The following TAF1B variants were observed in gnomAD, a reference collection of about 807,000 sequenced individuals.
The protein encoded by TAF1B is TATA box-binding protein-associated factor RNA polymerase I subunit B.
A neutral mutation model predicts 83.9 loss-of-function variants in TAF1B; 61 were observed. The ratio of observed to expected loss-of-function variants is 0.73; its 90% CI spans 0.59 to 0.90. TAF1B has a LOEUF of 0.90. Among genes scored for constraint, TAF1B ranks in the 40% least tolerant of loss-of-function variants. The probability of loss-of-function intolerance (pLI) is 0.00; values close to 1 mark genes in which losing one functional copy is unlikely to be tolerated. For missense variants in TAF1B, 625 were observed against 677.0 expected, an observed-to-expected ratio of 0.92 and a Z score of 0.85; for synonymous variants, 221 against 224.6, an observed-to-expected ratio of 0.98 and a Z score of 0.14.
At chr2:9,865,498 G>A (rs1231494169) in intron 5 of TAF1B, among the ~76,000 whole-genome samples, 3 of 152,094 alleles carry the variant, frequency 2.0e-5, no homozygotes, top group African/African-American at 7.2e-5. Flanking sequence ...TCAATATCGT[G>A]AAAATGGCCA....
chr2:9,913,277 A>C, intron 12 of TAF1B, 28 bp downstream of exon 12: 1 of 1,554,026 alleles, frequency 6.4e-7, no homozygotes, highest in Non-Finnish European at 8.9e-7. Context: ...GTTTAGATGC[A>C]CCTGCCTTAC....
chr2:9,926,720 T>A (rs1419829603), intron 14 of TAF1B, among the ~76,000 whole-genome samples: 2 of 148,188 alleles, frequency 1.3e-5, no homozygotes, highest in African/African-American at 2.5e-5. Context: ...ATGCCTGTAG[T>A]CCCAGCTACT....
Position 9,888,790 on chromosome 2 carries a change from GTTTTTTTTTTTTTTTTTT to G in TAF1B, c.807+5998_807+6015del, listed in dbSNP as rs56125595. ...GTTTTCTTTATGTTTCTTCTGCTTG[GTTTTTTTTTTTTTTTTTT>G]TTTTTTTTTTTTAAGACAAATTTTT... On this transcript the variant is annotated intron_variant, in intron 8 of 14. Coordinates refer to ENST00000263663, the MANE Select transcript of TAF1B (RefSeq NM_005680.3). Among the ~76,000 whole-genome samples the G allele has an allele frequency of 7.7e-4, 63 of 81,668 alleles. 1 individual carries two copies. The highest frequency in any genetic ancestry group is 4.4e-3 in the African/African-American group (57 of 12,930). The allele number at this position is 81,668 out of a possible 152,430, so 53.6% of individuals were successfully genotyped here. A position where few individuals can be genotyped will look rare whatever the true frequency, so the allele number is the denominator to read the frequency against.
intron 1 of TAF1B, among the ~76,000 whole-genome samples, 187 bp from the exon 2 acceptor site, chr2:9,845,033 T>C (rs1177809089): frequency 6.6e-6 from 1 of 152,224 alleles, no homozygotes; most frequent in Admixed American, 6.5e-5. Context: ...TTTTCTCCAG[T>C]AGTTTAATTC....
chr2:9,870,789 A>G (rs1057490000), intron 6 of TAF1B, among the ~76,000 whole-genome samples: 1 of 152,124 alleles, frequency 6.6e-6, no homozygotes, highest in African/African-American at 2.4e-5. Context: ...TTATAAATGT[A>G]TACACATTAT....
intron 10 of TAF1B, 41 bp from the exon 11 acceptor site, chr2:9,911,470 A>G (rs755353211): frequency 2.8e-6 from 4 of 1,416,146 alleles, no homozygotes; most frequent in East Asian, 4.9e-5. Context: ...TTCCAAATAC[A>G]TGACTTCTAA....
At chr2:9,905,585 T>TC (rs1665315547) in intron 9 of TAF1B, among the ~76,000 whole-genome samples, 1 of 152,160 alleles carries the variant, frequency 6.6e-6, no homozygotes, top group African/African-American at 2.4e-5. Flanking sequence ...ACAGGTAACC[T>TC]CAGTGGAATC....
intron 5 of TAF1B, among the ~76,000 whole-genome samples, 172 bp downstream of exon 5, chr2:9,854,593 G>C (rs1329870735): frequency 6.6e-6 from 1 of 152,126 alleles, no homozygotes; most frequent in African/African-American, 2.4e-5. Flanking sequence ...TTAAACGTTG[G>C]AATAAAGTTT....
intron 7 of TAF1B, among the ~76,000 whole-genome samples, chr2:9,880,353 C>G (rs1664460961): frequency 6.8e-6 from 1 of 147,870 alleles, no homozygotes; most frequent in African/African-American, 2.5e-5. Context: ...TGTCAACTTC[C>G]TGGATTGATC....
intron 2 of TAF1B, among the ~76,000 whole-genome samples, chr2:9,848,385 G>A (rs557059826): frequency 6.6e-6 from 1 of 152,174 alleles, no homozygotes; most frequent in East Asian, 1.9e-4. Flanking sequence ...CAATAATGGG[G>A]GCTGGGCACG....
chr2:9,892,767 T>TTTATCCAGCAGTA (rs1220652011), intron 8 of TAF1B, among the ~76,000 whole-genome samples: 3 of 150,990 alleles, frequency 2.0e-5, no homozygotes, highest in Non-Finnish European at 4.4e-5. Context: ...TGATTTTTTT[T>TTTATCCAGCAGTA]GGATATTATC....
intron 11 of TAF1B, among the ~76,000 whole-genome samples, chr2:9,911,967 T>C (rs1665547061): frequency 6.6e-6 from 1 of 152,244 alleles, no homozygotes; most frequent in Non-Finnish European, 1.5e-5. Context: ...TTCTTGAAGA[T>C]GCAGCATAAA....
In TAF1B at chr2:9,919,562, C is replaced by T. The variant is rs766579907; in HGVS notation, c.1343-36C>T. Reference sequence around the variant, plus strand: ...AGGCTTTATTTGTGATTTAACATTACTTGTTATTTTGTTTCCTTTTTTTCT... The same window carrying T: ...AGGCTTTATTTGTGATTTAACATTATTTGTTATTTTGTTTCCTTTTTTTCT... On this transcript the variant is annotated intron_variant, in intron 13 of 14. Transcript: ENST00000263663. 6 of 1,544,486 alleles carry T rather than the reference C, an allele frequency of 3.9e-6. No individual in the cohort carries two copies. In the South Asian group the frequency reaches 4.5e-5, roughly 11 times the overall value.
chr2:9,881,367 C>CT (rs1664502751), intron 7 of TAF1B, among the ~76,000 whole-genome samples: 6 of 152,062 alleles, frequency 3.9e-5, no homozygotes, highest in Admixed American at 2.6e-4. Flanking sequence ...CAGTTTTGTC[C>CT]TTTAAGTGTT....
At chr2:9,912,663 A>T (rs986958520) in intron 11 of TAF1B, among the ~76,000 whole-genome samples, 2 of 152,202 alleles carry the variant, frequency 1.3e-5, no homozygotes, top group Non-Finnish European at 1.5e-5. Context: ...GGCAAAGATC[A>T]CTGTCATTTC....
chr2:9,931,266 T>C (rs548906265), intron 14 of TAF1B, among the ~76,000 whole-genome samples: 35 of 152,358 alleles, frequency 2.3e-4, no homozygotes, highest in African/African-American at 8.2e-4. Flanking sequence ...CTAGCCTTGA[T>C]GGTCTTTACA....
At chr2:9,902,614 A>G (rs928470558) in intron 8 of TAF1B, among the ~76,000 whole-genome samples, 2 of 152,234 alleles carry the variant, frequency 1.3e-5, no homozygotes, top group African/African-American at 4.8e-5. Flanking sequence ...AGATTATATC[A>G]CAATTCACTT....
At chr2:9,924,902 T>C (rs1250329392) in intron 14 of TAF1B, among the ~76,000 whole-genome samples, 1 of 152,134 alleles carries the variant, frequency 6.6e-6, no homozygotes, top group Non-Finnish European at 1.5e-5. Flanking sequence ...TGAGGCAGAG[T>C]TAACAATTTC....
chr2:9,924,418 T>G (rs1320154184), intron 14 of TAF1B, among the ~76,000 whole-genome samples: 1 of 152,152 alleles, frequency 6.6e-6, no homozygotes, highest in Non-Finnish European at 1.5e-5. Context: ...CAAACATAAA[T>G]GACACCCTTT....
Sources: gnomAD v4.1 joint callset for allele counts (sites outside exome capture counted in the v4.1 genomes callset) on GRCh38, gnomAD v4.1.1 for gene constraint, MANE v1.5 for transcripts, NCBI Gene and HGNC (gene_info 2026-07-23, HGNC 2026-07-21) for gene names.